Variants in RELN observed in about 807,000 individuals in gnomAD.
RELN encodes the protein reelin.
RELN carries 108 observed loss-of-function variants against 427.6 expected under a neutral mutation model. The observed-to-expected ratio is 0.25, with a 90% CI of 0.22 to 0.30. RELN has a LOEUF of 0.30. Among genes scored for constraint, RELN ranks in the 10% least tolerant of loss-of-function variants. RELN has a pLI of 1.00. For synonymous variants in RELN, 1,524 were observed against 1,513.4 expected (o/e 1.01, Z -0.16); for missense variants, 3,715 against 4,302.8 (o/e 0.86, Z 3.82).
chr7:103,910,898 C>T (rs1348206944), intron 2 of RELN, among the ~76,000 whole-genome samples: 1 of 137,454 alleles, frequency 7.3e-6, no homozygotes, highest in Non-Finnish European at 1.5e-5. Context: ...ACCATAAAAA[C>T]CCTAGAAGAA....
chr7:103,911,194 AG>A, intron 2 of RELN, among the ~76,000 whole-genome samples: 1 of 120,580 alleles, frequency 8.3e-6, no homozygotes, highest in African/African-American at 3.7e-5. Context: ...GTGGGCGAAG[AG>A]CATGAACAGA....
chr7:103,776,306 T>C (rs1346731255), intron 4 of RELN, among the ~76,000 whole-genome samples: 1 of 152,226 alleles, frequency 6.6e-6, no homozygotes, highest in Non-Finnish European at 1.5e-5. Flanking sequence ...ACTTCCAGAA[T>C]AACTAAAGGT....
At chr7:103,735,278 T>G (rs897366209) in intron 6 of RELN, among the ~76,000 whole-genome samples, 4 of 151,584 alleles carry the variant, frequency 2.6e-5, no homozygotes, top group East Asian at 1.9e-4. Context: ...CAGGTGGCTG[T>G]TTTTTTTCAT....
At chr7:103,672,609 G>A (rs1219365482) in intron 11 of RELN, among the ~76,000 whole-genome samples, 2 of 152,066 alleles carry the variant, frequency 1.3e-5, no homozygotes, top group African/African-American at 2.4e-5. Context: ...TTTAGCACTT[G>A]TGTGGTTTTT....
rs1429728560 is a variant in RELN at position 103,483,902 on chromosome 7, T to C, written c.9984-52A>G. ...ATTTTTATTTATTTATTTTTTGAGA[T>C]GGAGTCTTGCTCTGTCACCCAGGCT... On this transcript the variant is annotated intron_variant, in intron 61 of 64. Coordinates refer to ENST00000428762, the MANE Select transcript of RELN (RefSeq NM_005045.4). 5.9e-6 allele frequency: 9 copies of C among 1,537,788 alleles called. No homozygotes were observed. The East Asian group carries it at 1.2e-4, about 21-fold the overall frequency.
At chr7:103,883,944 G>C (rs1009376789) in intron 2 of RELN, among the ~76,000 whole-genome samples, 1 of 152,004 alleles carries the variant, frequency 6.6e-6, no homozygotes, top group African/African-American at 2.4e-5. Flanking sequence ...TTAAATTTCA[G>C]ATGGAACCAA....
chr7:103,523,058 T>C (rs1418559040), intron 47 of RELN, among the ~76,000 whole-genome samples: 3 of 152,214 alleles, frequency 2.0e-5, no homozygotes. Context: ...TCATGATGTA[T>C]TAGTTTTGGT....
chr7:103,606,788 T>TA (rs1277661104), intron 22 of RELN, among the ~76,000 whole-genome samples: 2 of 152,118 alleles, frequency 1.3e-5, no homozygotes, highest in Non-Finnish European at 2.9e-5. Context: ...TATGAACTTT[T>TA]AAAAAAGATA....
chr7:103,779,266 C>G (rs262346), intron 3 of RELN, among the ~76,000 whole-genome samples: 117,760 of 152,088 alleles, frequency 0.77, 45,768 homozygotes, highest in East Asian at 0.87. Context: ...ATTTAATTTT[C>G]TTTAAAGAAA....
chr7:103,586,171 GAAC>G (rs1831265714), intron 28 of RELN, among the ~76,000 whole-genome samples: 1 of 151,940 alleles, frequency 6.6e-6, no homozygotes, highest in African/African-American at 2.4e-5. Flanking sequence ...AGACCAACCT[GAAC>G]AACATGGTGA....
chr7:103,783,874 C>T (rs1791954081), intron 3 of RELN, among the ~76,000 whole-genome samples: 2 of 152,116 alleles, frequency 1.3e-5, no homozygotes, highest in South Asian at 4.1e-4. Context: ...GTAGTATGAA[C>T]TGTTTTACTT....
intron 51 of RELN, among the ~76,000 whole-genome samples, chr7:103,504,758 G>C (rs985492727): frequency 1.5e-4 from 23 of 152,218 alleles, no homozygotes; most frequent in African/African-American, 5.1e-4. Context: ...TGGCAGACCA[G>C]GACATTCCCT....
chr7:103,561,929 C>G lies in RELN; in HGVS notation c.5235G>C (p.Trp1745Cys). 1 of 1,583,002 alleles carries G rather than the reference C, an allele frequency of 6.3e-7. No individual in the cohort carries two copies. The highest frequency in any genetic ancestry group is 8.6e-7 in the Non-Finnish European group (1 of 1,162,028). ...STISPRTRFR[W>C]IQANYTVGAD... is the part of the protein sequence containing the mutation. ...CCCCCACAGTGTAGTTGGCCTGAAT[C>G]CATCTGAACCGGGTCCTGGGAGAAC... Residue 1745 changes from tryptophan to cysteine, a missense_variant, in exon 35 of 65, where the codon TGG (tryptophan) becomes TGC (cysteine). Trp to Cys is a radical substitution (Grantham distance 215). Transcript: ENST00000428762.
At chr7:103,502,031 T>C (rs1829047485) in intron 52 of RELN, among the ~76,000 whole-genome samples, 1 of 152,222 alleles carries the variant, frequency 6.6e-6, no homozygotes, top group African/African-American at 2.4e-5. Flanking sequence ...GGACAGCAGA[T>C]ATTCTCTTAA....
chr7:103,939,891 T>A (rs1336520718), intron 1 of RELN, among the ~76,000 whole-genome samples: 90 of 152,318 alleles, frequency 5.9e-4, no homozygotes, highest in Non-Finnish European at 1.2e-4. Flanking sequence ...GACCAAATTC[T>A]ATGTAATGGT....
At chr7:103,977,724 C>G (rs959242028) in intron 1 of RELN, among the ~76,000 whole-genome samples, 1 of 152,144 alleles carries the variant, frequency 6.6e-6, no homozygotes, top group African/African-American at 2.4e-5. Context: ...ATTTCTACAT[C>G]TGTTTGGATT....
chr7:103,830,205 A>T (rs1207852153), intron 3 of RELN, among the ~76,000 whole-genome samples: 2 of 152,010 alleles, frequency 1.3e-5, no homozygotes, highest in Non-Finnish European at 2.9e-5. Context: ...AGCTACTAAC[A>T]AATATTTATT....
chr7:103,977,791 T>C (rs977049383), intron 1 of RELN, among the ~76,000 whole-genome samples: 2 of 152,180 alleles, frequency 1.3e-5, no homozygotes, highest in Non-Finnish European at 1.5e-5. Flanking sequence ...TTAGCCCAAG[T>C]TAGCCAGAGT....
intron 28 of RELN, among the ~76,000 whole-genome samples, chr7:103,585,320 A>G (rs570913558): frequency 1.3e-5 from 2 of 152,286 alleles, no homozygotes; most frequent in South Asian, 2.1e-4. Context: ...ATTATGCAAG[A>G]TGAAAAGAGA....
Sources: allele counts gnomAD v4.1 joint callset (sites outside exome capture counted in the v4.1 genomes callset), GRCh38; gene constraint gnomAD v4.1.1; transcripts MANE v1.5; gene names NCBI Gene and HGNC (gene_info 2026-07-23, HGNC 2026-07-21).